Variants in FBN2 observed in about 807,000 individuals in gnomAD.
FBN2 encodes fibrillin-2.
In FBN2, 105 loss-of-function variants were observed where a neutral mutation model predicts 355.6. That is an observed-to-expected ratio of 0.30 (90% CI 0.25 to 0.35). The LOEUF (loss-of-function observed/expected upper bound fraction) is 0.35, where lower values mean the gene tolerates loss of function less well. FBN2 is among the 10% of genes least tolerant of loss of function. FBN2 has a pLI of 1.00. For synonymous variants in FBN2, 1,350 were observed against 1,301.2 expected, an observed-to-expected ratio of 1.04 and a Z score of -0.81; for missense variants, 3,280 against 3,758.7, an observed-to-expected ratio of 0.87 and a Z score of 3.33.
intron 5 of FBN2, among the ~76,000 whole-genome samples, chr5:128,484,654 G>A (rs1255881684): frequency 1.3e-5 from 2 of 152,146 alleles, no homozygotes; most frequent in Admixed American, 1.3e-4. Flanking sequence ...CACTAGTCTA[G>A]GCTCTTTATA....
At chr5:128,446,662 CT>C (rs1040457677) in intron 6 of FBN2, 56 bp from the exon 7 acceptor site, 172 of 1,570,408 alleles carry the variant, frequency 1.1e-4, no homozygotes, top group Non-Finnish European at 1.4e-4. Flanking sequence ...AATATCTATA[CT>C]TTTTTTTACT....
At chr5:128,522,176 G>T (rs546269267) in intron 4 of FBN2, among the ~76,000 whole-genome samples, 28 of 152,186 alleles carry the variant, frequency 1.8e-4, no homozygotes, top group Non-Finnish European at 3.7e-4. Context: ...ACAACCATTT[G>T]CTTGTATTTC....
intron 46 of FBN2, among the ~76,000 whole-genome samples, chr5:128,301,723 A>T (rs1216537141): frequency 6.6e-6 from 1 of 152,114 alleles, no homozygotes; most frequent in African/African-American, 2.4e-5. Context: ...ATAAAGATAC[A>T]TTTTTTTCAT....
intron 18 of FBN2, among the ~76,000 whole-genome samples, chr5:128,364,313 G>C (rs544307169): frequency 6.6e-6 from 1 of 151,756 alleles, no homozygotes; most frequent in African/African-American, 2.4e-5. Context: ...CAAATTCTTC[G>C]TAAAAAATTA....
At chr5:128,365,765 T>C (rs1751750730) in intron 17 of FBN2, among the ~76,000 whole-genome samples, 1 of 151,190 alleles carries the variant, frequency 6.6e-6, no homozygotes, top group African/African-American at 2.4e-5. Context: ...TGAATCTATA[T>C]GTATATTAAA....
intron 55 of FBN2, among the ~76,000 whole-genome samples, chr5:128,281,973 AG>A (rs1765561407): frequency 7.2e-5 from 11 of 152,160 alleles, no homozygotes; most frequent in Admixed American, 7.2e-4. Flanking sequence ...TACAGGTGCG[AG>A]CCACCGTGCC....
chr5:128,338,146 C>T (rs1187852020), intron 26 of FBN2, 24 bp from the exon 27 acceptor site: 1 of 1,612,112 alleles, frequency 6.2e-7, no homozygotes. Context: ...ACGTGAGATC[C>T]ATTAAAGAAC....
Position 128,297,012 on chromosome 5 carries a change from T to C in FBN2, c.6166+3805A>G, listed in dbSNP as rs932617297. Among the ~76,000 whole-genome samples the C allele has an allele frequency of 2.0e-4, 31 of 152,296 alleles. No individual in the cohort carries two copies. In the South Asian group the frequency reaches 5.7e-3, roughly 28 times the overall value. On this transcript the variant is annotated intron_variant, in intron 48 of 64. Transcript: ENST00000262464. ...TTCCCTCTACACACTGCTTTGAATG[T>C]GTCCCAGAGATTCTGGTATGTTGTG... is the stretch of plus-strand genomic sequence containing the variant.
rs147684576 is a variant in FBN2 at position 128,538,228 on chromosome 5, C to G, written c.-625G>C. 0.08 allele frequency: 12,278 copies of G among 153,932 alleles called. 615 individuals are homozygous for G. The highest frequency in any genetic ancestry group is 0.11 in the Non-Finnish European group (7,784 of 69,192). 9.5% of individuals were successfully genotyped at this position (153,932 alleles called of 1,614,324 possible). On this transcript the variant is annotated 5_prime_UTR_variant, in exon 1 of 65. Transcript: ENST00000262464. Reference sequence around the variant, plus strand: ...GCAAGAGAGAGGGCGGGAGGCTGGGCGCTGGAGAAGATGCGGCGGTGGAGG... The same window carrying G: ...GCAAGAGAGAGGGCGGGAGGCTGGGGGCTGGAGAAGATGCGGCGGTGGAGG...
chr5:128,280,666 T>C (rs1022960298), intron 55 of FBN2, among the ~76,000 whole-genome samples: 1 of 152,086 alleles, frequency 6.6e-6, no homozygotes, highest in South Asian at 2.1e-4. Context: ...GTTTCTGTGA[T>C]ATTAGAGAAA....
In FBN2 at chr5:128,300,909, C is replaced by T. The variant is rs547583705; in HGVS notation, c.6074G>A (p.Gly2025Asp). 3.1e-6 allele frequency: 5 copies of T among 1,613,602 alleles called. No individual in the cohort carries two copies. In the African/African-American group the frequency reaches 6.7e-5, roughly 22 times the overall value. The part of the protein sequence containing the change: ...IDTNECVALP[G>D]SCSPGTCQNL... ...CTGACAGGTACCAGGAGAGCAAGAG[C>T]CGGGAAGGGCGACACACTCATTAGT... Residue 2025 changes from glycine (G) to aspartate (D), a missense_variant, in exon 48 of 65, where the codon GGC becomes GAC. Around this residue, in one of 6 missense-constraint regions of FBN2, gnomAD observed 2,284 missense variants for 2,749.5 expected, o/e 0.83. Coordinates refer to ENST00000262464, the MANE Select transcript of FBN2 (RefSeq NM_001999.4).
rs1039821634 is a variant in FBN2, at chr5:128,334,766, T to C, written c.4052A>G (p.His1351Arg). Residue 1351 changes from histidine (H) to arginine (R), a missense_variant, in exon 31 of 65, where the codon CAC (histidine) becomes CGC (arginine). His to Arg is a conservative substitution (Grantham distance 29, BLOSUM62 0). Coordinates refer to ENST00000262464, the MANE Select transcript of FBN2 (RefSeq NM_001999.4). The part of the protein sequence containing the change: ...CENTKGSFIC[H>R]CQLGYSVKKG... ...CTTCACTGAGTAACCCAGCTGACAG[T>C]GGCAAATGAAGGATCCCTTTGTGTT... 3.1e-6 allele frequency: 5 copies of C among 1,613,898 alleles called. No homozygotes were observed. The Admixed American group carries it at 6.7e-5, about 22-fold the overall frequency.
chr5:128,391,970 T>C (rs1376528435), intron 11 of FBN2, 48 bp downstream of exon 11: 37 of 1,532,978 alleles, frequency 2.4e-5, no homozygotes, highest in African/African-American at 1.1e-4. Flanking sequence ...TGTAATCTAA[T>C]AGCTACTAAA....
chr5:128,323,469 G>A (rs907633963), intron 34 of FBN2, among the ~76,000 whole-genome samples: 1 of 152,110 alleles, frequency 6.6e-6, no homozygotes, highest in African/African-American at 2.4e-5. Context: ...TAGCATGAAG[G>A]GGTGTTGAAT....
rs777841785 is a variant in FBN2, at chr5:128,289,109, T to C, written c.6637+18A>G. 1.3e-5 allele frequency: 21 copies of C among 1,613,588 alleles called. No individual in the cohort carries two copies. Among genetic ancestry groups the C allele is most frequent in the Middle Eastern group, 1.6e-4 (1 of 6,080 alleles). On this transcript the variant is annotated intron_variant, in intron 52 of 64. Transcript: ENST00000262464. ...AAAATAGAACTTTAAAATTCTGTAA[T>C]GTGGAGCCAACACTCACCCACACAG... is the stretch of plus-strand genomic sequence containing the variant.
chr5:128,369,482 T>C (rs1751870386), intron 15 of FBN2, 148 bp from the exon 16 acceptor site: 5 of 722,190 alleles, frequency 6.9e-6, no homozygotes, highest in South Asian at 6.7e-5. Flanking sequence ...TAGCATCTAA[T>C]AGTGTTAGGA....
chr5:128,285,357 T>A (rs1411507700), intron 55 of FBN2, among the ~76,000 whole-genome samples: 3 of 152,214 alleles, frequency 2.0e-5, no homozygotes, highest in African/African-American at 7.2e-5. Context: ...ATTGTTTGCA[T>A]GAAAGTGTTC....
At chr5:128,297,365 G>T (rs1401121635) in intron 48 of FBN2, among the ~76,000 whole-genome samples, 1 of 152,182 alleles carries the variant, frequency 6.6e-6, no homozygotes. Flanking sequence ...GCTTGGTGCA[G>T]AGCTGAGTTC....
At chr5:128,270,378 A>C (rs1765236738) in intron 62 of FBN2, among the ~76,000 whole-genome samples, 2 of 152,040 alleles carry the variant, frequency 1.3e-5, no homozygotes, top group African/African-American at 4.8e-5. Context: ...AAATACAAAA[A>C]ATGAGCCGGG....
Sources: gnomAD v4.1 joint callset for allele counts (sites outside exome capture counted in the v4.1 genomes callset) on GRCh38, gnomAD v4.1.1 for gene constraint, gnomAD v4.1.1 regional missense constraint, MANE v1.5 for transcripts, NCBI Gene and HGNC (gene_info 2026-07-23, HGNC 2026-07-21) for gene names.